DOCK8: variants seen among roughly 807,000 people sequenced by gnomAD.
DOCK8 encodes dedicator of cytokinesis 8, also known as dedicator of cytokinesis protein 8.
Under a neutral mutation model 245.6 loss-of-function variants are expected in DOCK8, and 141 were observed. The observed-to-expected ratio is 0.57, with a 90% CI of 0.50 to 0.66. The LOEUF (loss-of-function observed/expected upper bound fraction) is 0.66, where lower values mean the gene tolerates loss of function less well. Among genes scored for constraint, DOCK8 ranks in the 30% least tolerant of loss-of-function variants. The pLI, the probability that DOCK8 is intolerant of heterozygous loss-of-function variation, is 0.00. For missense variants in DOCK8, 2,965 were observed against 2,603.4 expected (o/e 1.14, Z -3.02); for synonymous variants, 1,168 against 970.2 (o/e 1.20, Z -3.79).
At chr9:462,840 A>G (rs2057848583) in intron 46 of DOCK8, among the ~76,000 whole-genome samples, 1 of 152,198 alleles carries the variant, frequency 6.6e-6, no homozygotes, top group African/African-American at 2.4e-5. Flanking sequence ...TAAGTGTAAC[A>G]GCTTCCATTC....
intron 1 of DOCK8, among the ~76,000 whole-genome samples, chr9:253,652 G>A (rs2047702109): frequency 1.3e-5 from 2 of 152,162 alleles, no homozygotes; most frequent in Admixed American, 6.5e-5. Flanking sequence ...CTTCTTGTGG[G>A]GAATACCTTG....
upstream of DOCK8, chr9:214,665 G>T: frequency 6.2e-7 from 1 of 1,600,324 alleles, no homozygotes; most frequent in Non-Finnish European, 8.5e-7. Flanking sequence ...TCGGCCGGAG[G>T]TCGGCGGCCC....
At chr9:356,422 C>G (rs1009061326) in intron 14 of DOCK8, among the ~76,000 whole-genome samples, 1 of 151,826 alleles carries the variant, frequency 6.6e-6, no homozygotes. Context: ...CCCAGCTACT[C>G]CGGAGGCTGA....
At chr9:387,287 A>G (rs2053994911) in intron 23 of DOCK8, among the ~76,000 whole-genome samples, 1 of 152,090 alleles carries the variant, frequency 6.6e-6, no homozygotes, top group Non-Finnish European at 1.5e-5. Context: ...TACTAAAGAT[A>G]CAAAAACTAG....
chr9:244,577 G>C (rs660877), intron 1 of DOCK8, among the ~76,000 whole-genome samples: 33,633 of 151,938 alleles, frequency 0.22, 4,389 homozygotes, highest in East Asian at 0.39. Flanking sequence ...AACTTCAAGA[G>C]GATATGTTTT....
Position 271,638 on chromosome 9 carries a change from C to T in DOCK8, c.65C>T (p.Ala22Val), listed in dbSNP as rs506121. The change falls in exon 2 of 48, where the codon GCG becomes GTG. Residue 22 changes from alanine (A) to valine (V), a missense_variant. Ala to Val is a moderately conservative substitution (Grantham distance 64). Around this residue, in one of 3 missense-constraint regions of DOCK8, gnomAD observed 2,825 missense variants for 2,453.5 expected, o/e 1.15. Coordinates refer to ENST00000432829, the MANE Select transcript of DOCK8 (RefSeq NM_203447.4). Reference protein sequence around the residue: ...FALKINRYSSAEIRKQFTLPP... With the variant: ...FALKINRYSSVEIRKQFTLPP... ...TATTTTAATCCAAGGTATTCTTCAG[C>T]GGAAATAAGGAAACAGTTTACTCTC... 0.34 allele frequency: 525,872 copies of T among 1,540,820 alleles called. 91,775 individuals are homozygous for T. The highest frequency in any genetic ancestry group is 0.38 in the East Asian group (15,295 of 40,786).
At chr9:425,783 T>C (rs1161024833) in intron 33 of DOCK8, among the ~76,000 whole-genome samples, 3 of 151,944 alleles carry the variant, frequency 2.0e-5, no homozygotes, top group Non-Finnish European at 2.9e-5. Context: ...AAAAAACTTT[T>C]AGATTTCATT....
intron 1 of DOCK8, among the ~76,000 whole-genome samples, chr9:267,224 A>G (rs112138284): frequency 0.03 from 4,547 of 152,302 alleles, 95 homozygotes; most frequent in Middle Eastern, 0.054. Flanking sequence ...TTTTGTTTTG[A>G]GACAGGGTCT....
intron 1 of DOCK8, among the ~76,000 whole-genome samples, chr9:260,030 T>A (rs540288247): frequency 1.3e-5 from 2 of 152,380 alleles, no homozygotes; most frequent in South Asian, 4.1e-4. Flanking sequence ...TATAGCCATT[T>A]TGGTAAACTA....
rs778109932 is a variant in DOCK8, at chr9:432,154, T to C, written c.4627-12T>C. On this transcript the variant is annotated splice_polypyrimidine_tract_variant and intron_variant, in intron 36 of 47. Coordinates refer to ENST00000432829, the MANE Select transcript of DOCK8 (RefSeq NM_203447.4). The stretch of plus-strand genomic sequence containing the variant: ...ATTTACTTCATCTTTTTTTTTTTTT[T>C]CACTGATGCAGAATTTTGCAAGAGT... 6.4e-6 allele frequency: 10 copies of C among 1,561,556 alleles called. No individual in the cohort carries two copies. Among genetic ancestry groups the C allele is most frequent in the African/African-American group, 2.8e-5 (2 of 71,496 alleles).
At chr9:367,449 A>G (rs2053062549) in intron 14 of DOCK8, among the ~76,000 whole-genome samples, 1 of 152,206 alleles carries the variant, frequency 6.6e-6, no homozygotes, top group African/African-American at 2.4e-5. Flanking sequence ...GGCACTGGGT[A>G]GCCTAGTACC....
At chr9:398,855 A>G (rs1364888385) in intron 25 of DOCK8, among the ~76,000 whole-genome samples, 1 of 152,214 alleles carries the variant, frequency 6.6e-6, no homozygotes, top group Non-Finnish European at 1.5e-5. Context: ...AGTAGGATCC[A>G]ACATAGTATA....
At chr9:449,425 A>G (rs1270369651) in intron 44 of DOCK8, among the ~76,000 whole-genome samples, 2 of 152,204 alleles carry the variant, frequency 1.3e-5, no homozygotes, top group South Asian at 2.1e-4. Context: ...CAGGGTAGAA[A>G]AAACATGGAC....
chr9:395,916 A>G (rs1415615862), intron 24 of DOCK8, among the ~76,000 whole-genome samples: 1 of 152,206 alleles, frequency 6.6e-6, no homozygotes, highest in African/African-American at 2.4e-5. Flanking sequence ...ATATCTGTAT[A>G]TAAATATCTT....
At chr9:312,948 G>A (rs1224310136) in intron 6 of DOCK8, 1 of 151,130 alleles carries the variant, frequency 6.6e-6, no homozygotes, top group South Asian at 2.0e-4. Context: ...GGAAGAAACA[G>A]GATTTGAGGA....
chr9:280,093 A>T lies in DOCK8; in HGVS notation c.157-6368A>T, dbSNP rs1469494522. 2.0e-5 allele frequency among the ~76,000 whole-genome samples: 3 copies of T among 151,934 alleles called. No individual in the cohort carries two copies. In the East Asian group the frequency reaches 5.8e-4, roughly 29 times the overall value. Reference sequence around the variant, plus strand: ...AACAAATTGAATCTTACCCTTTGTCAGGAGAAATAGCCTTTGACATGTGTT... The same window carrying T: ...AACAAATTGAATCTTACCCTTTGTCTGGAGAAATAGCCTTTGACATGTGTT... On this transcript the variant is annotated intron_variant, in intron 2 of 47. Transcript: ENST00000432829.
In DOCK8 at chr9:393,189, C is replaced by T. The variant is rs116232116; in HGVS notation, c.2970+2623C>T. 7.2e-3 allele frequency among the ~76,000 whole-genome samples: 1,084 copies of T among 150,452 alleles called. 15 individuals are homozygous for T. The highest frequency in any genetic ancestry group is 0.025 in the African/African-American group (1,029 of 40,738). On this transcript the variant is annotated intron_variant, in intron 24 of 47. Transcript: ENST00000432829. ...TCATACAAATAATTCATTCCCAATGCGGAATTCAGCATTGCTTATTCTGAG... is the reference window on the plus strand; with the variant it reads ...TCATACAAATAATTCATTCCCAATGTGGAATTCAGCATTGCTTATTCTGAG...
At chr9:295,938 T>C (rs1466171345) in intron 4 of DOCK8, among the ~76,000 whole-genome samples, 2 of 152,232 alleles carry the variant, frequency 1.3e-5, no homozygotes, top group African/African-American at 4.8e-5. Context: ...TTAGATTTCC[T>C]TTTAAACCTA....
intron 37 of DOCK8, among the ~76,000 whole-genome samples, chr9:433,379 T>C (rs1199568207): frequency 6.6e-6 from 1 of 152,186 alleles, no homozygotes; most frequent in Non-Finnish European, 1.5e-5. Context: ...CCTGTTTTTG[T>C]ACTGCAGGCT....
Sources: gnomAD v4.1 joint callset for allele counts (sites outside exome capture counted in the v4.1 genomes callset) on GRCh38, gnomAD v4.1.1 for gene constraint, gnomAD v4.1.1 regional missense constraint, MANE v1.5 for transcripts, NCBI Gene and HGNC (gene_info 2026-07-23, HGNC 2026-07-21) for gene names.